The following PNPLA4 variants were observed in gnomAD, a reference collection of about 807,000 sequenced individuals.
PNPLA4 encodes the protein patatin like domain 4, phospholipase and triacylglycerol lipase.
Under a neutral mutation model 18.3 loss-of-function variants are expected in PNPLA4, and 15 were observed. That is an observed-to-expected ratio of 0.82 (90% CI 0.55 to 1.26). The LOEUF is 1.26. Among genes scored for constraint, PNPLA4 ranks in the 50% most tolerant of loss-of-function variants. The probability of loss-of-function intolerance (pLI) is 0.00; values close to 1 mark genes in which losing one functional copy is unlikely to be tolerated. For missense variants in PNPLA4, 229 were observed against 196.8 expected (o/e 1.16, Z -0.98); for synonymous variants, 88 against 85.6 (o/e 1.03, Z -0.16).
intron 1 of PNPLA4, 48 bp from the exon 2 acceptor site, chrX:7,926,180 C>A: frequency 1.1e-6 from 1 of 947,372 alleles, no homozygotes; most frequent in Non-Finnish European, 1.5e-6. Context: ...TAGTTTATCC[C>A]ACATACTGTG....
intron 5 of PNPLA4, among the ~76,000 whole-genome samples, chrX:7,910,456 T>C (rs900101282): frequency 4.5e-5 from 5 of 110,681 alleles, no homozygotes; most frequent in Non-Finnish European, 7.6e-5. Flanking sequence ...GCACTTTGTA[T>C]GTACTCTTTT....
At chrX:7,903,590 C>T (rs1210311552) in intron 5 of PNPLA4, among the ~76,000 whole-genome samples, 1 of 111,528 alleles carries the variant, frequency 9.0e-6, no homozygotes, top group Non-Finnish European at 1.9e-5. Context: ...TGAGTCACTG[C>T]GCCTGGCCAA....
chrX:7,909,832 A>G (rs1276307442), intron 5 of PNPLA4, among the ~76,000 whole-genome samples: 2 of 111,541 alleles, frequency 1.8e-5, no homozygotes, highest in African/African-American at 6.5e-5. Flanking sequence ...TCATTGCCCA[A>G]CAATGAAATA....
chrX:7,919,645 T>C (rs2036372895), intron 4 of PNPLA4, among the ~76,000 whole-genome samples: 1 of 112,200 alleles, frequency 8.9e-6, no homozygotes, highest in South Asian at 3.7e-4. Flanking sequence ...ACAGAATCCC[T>C]TTTGCCAGGT....
At chrX:7,926,264 T>G in intron 1 of PNPLA4, 132 bp from the exon 2 acceptor site, 2 of 444,803 alleles carry the variant, frequency 4.5e-6, no homozygotes, top group Non-Finnish European at 7.4e-6. Flanking sequence ...TGGTTTCAAT[T>G]AATTCTAATT....
rs759307617 is a variant in PNPLA4, at chrX:7,902,089, C to T, written c.530G>A (p.Arg177Gln). ...TNALPILPVG[R>Q]TVTISPFSGR... Reference sequence around the variant, plus strand: ...ACTGAAGGGGGAGATGGTTACTGTCCGGCCGACGGGCAGGATGGGAAGAGC... The same window carrying T: ...ACTGAAGGGGGAGATGGTTACTGTCTGGCCGACGGGCAGGATGGGAAGAGC... Residue 177 changes from arginine (R) to glutamine (Q), a missense_variant, in exon 6 of 7, where the codon CGG becomes CAG. Coordinates refer to ENST00000381042, the MANE Select transcript of PNPLA4 (RefSeq NM_004650.3). The T allele has an allele frequency of 5.6e-5, 67 of 1,206,663 alleles. No homozygotes were observed. Among genetic ancestry groups the T allele is most frequent in the Non-Finnish European group, 6.8e-5 (61 of 893,573 alleles).
intron 4 of PNPLA4, among the ~76,000 whole-genome samples, chrX:7,914,303 G>T (rs1236291037): frequency 3.6e-5 from 4 of 111,673 alleles, no homozygotes; most frequent in Admixed American, 9.6e-5. Flanking sequence ...GTAGCACCTT[G>T]GGTGATTTGG....
At chrX:7,914,074 T>C (rs1455928838) in intron 4 of PNPLA4, among the ~76,000 whole-genome samples, 1 of 112,448 alleles carries the variant, frequency 8.9e-6, no homozygotes, top group Admixed American at 9.4e-5. Context: ...AAGGAAAGCA[T>C]GCACTTCTAT....
At chrX:7,916,624 C>A (rs1924054475) in intron 4 of PNPLA4, among the ~76,000 whole-genome samples, 1 of 111,561 alleles carries the variant, frequency 9.0e-6, no homozygotes, top group Non-Finnish European at 1.9e-5. Context: ...TGAGACTCGC[C>A]AAGGGTCCCA....
At chrX:7,926,174 T>C (rs1924396835) in intron 1 of PNPLA4, 42 bp from the exon 2 acceptor site, 1 of 970,873 alleles carries the variant, frequency 1.0e-6, no homozygotes, top group Non-Finnish European at 1.4e-6. Flanking sequence ...TTGGAATAGT[T>C]TATCCCACAT....
rs1405660715 is a variant in PNPLA4, at chrX:7,899,267, A to C, written c.*1419T>G. 9.0e-6 allele frequency: 1 copy of C among 111,464 alleles called. No homozygotes were observed. The highest frequency in any genetic ancestry group is 9.6e-5 in the Admixed American group (1 of 10,460). The allele number at this position is 111,464 out of a possible 1,213,427, so 9.2% of individuals were successfully genotyped here. The stretch of plus-strand genomic sequence containing the variant: ...AATAGTTTCAAAGAGTAAAAGAAGA[A>C]ATGCGTGACAATTGAAGACATGGAA... On this transcript the variant is annotated 3_prime_UTR_variant, in exon 7 of 7. Transcript: ENST00000381042.
At position 7,904,183 on chromosome X, in the gene PNPLA4, A is replaced by G. The variant is rs1156389708; in HGVS notation, c.478-2042T>C. ...TGTCATCAACGATGTAAAAATTCAT[A>G]CAGGTTTCATCAAGAAAAATTAAAG... On this transcript the variant is annotated intron_variant, in intron 5 of 6. Coordinates refer to ENST00000381042, the MANE Select transcript of PNPLA4 (RefSeq NM_004650.3). Among the ~76,000 whole-genome samples, 3 of 112,255 alleles carry G rather than the reference A, an allele frequency of 2.7e-5. No homozygotes were observed. The Admixed American group carries it at 2.8e-4, about 11-fold the overall frequency.
Position 7,900,621 on chromosome X carries a change from T to C in PNPLA4, c.*65A>G. 2 of 763,738 alleles carry C rather than the reference T, an allele frequency of 2.6e-6. No individual in the cohort carries two copies. Among genetic ancestry groups the C allele is most frequent in the Admixed American group, 7.3e-5 (2 of 27,407 alleles). 62.9% of individuals were successfully genotyped at this position (763,738 alleles called of 1,213,427 possible). ...GTCATGATAGATTTTCTAAAAAGGA[T>C]TTGATTAGAAACTTCCATCAAAAAC... On this transcript the variant is annotated 3_prime_UTR_variant, in exon 7 of 7. Transcript: ENST00000381042.
intron 1 of PNPLA4, among the ~76,000 whole-genome samples, chrX:7,927,073 G>A (rs1924443663): frequency 1.8e-5 from 2 of 113,157 alleles, no homozygotes; most frequent in African/African-American, 6.4e-5. Flanking sequence ...CGCGTAGGCT[G>A]AGTCCCAGTC....
chrX:7,911,757 G>GA (rs1371863405), intron 5 of PNPLA4, among the ~76,000 whole-genome samples: 1 of 109,595 alleles, frequency 9.1e-6, no homozygotes, highest in East Asian at 2.9e-4. Flanking sequence ...TTACTAGGTG[G>GA]AAAAAAAATC....
rs1230306069 is a variant in PNPLA4 at position 7,899,202 on chromosome X, G to C, written c.*1484C>G. ...CGTTGGTGTTTATGTGCTAAAAGTT[G>C]TGTATTTTGGCTTCTGAGAACCATA... On this transcript the variant is annotated 3_prime_UTR_variant, in exon 7 of 7. Coordinates refer to ENST00000381042, the MANE Select transcript of PNPLA4 (RefSeq NM_004650.3). The C allele has an allele frequency of 9.0e-6, 1 of 111,654 alleles. No individual in the cohort carries two copies. Among genetic ancestry groups the C allele is most frequent in the African/African-American group, 3.3e-5 (1 of 30,725 alleles). The allele number at this position is 111,654 out of a possible 1,213,427, so 9.2% of individuals were successfully genotyped here.
chrX:7,926,619 T>A (rs1263643172), intron 1 of PNPLA4, among the ~76,000 whole-genome samples: 5 of 111,864 alleles, frequency 4.5e-5, no homozygotes, highest in African/African-American at 1.6e-4. Context: ...CCCTTCCCAA[T>A]TTCTATTGTG....
At chrX:7,903,704 T>C (rs1923618932) in intron 5 of PNPLA4, among the ~76,000 whole-genome samples, 1 of 111,967 alleles carries the variant, frequency 8.9e-6, no homozygotes, top group Non-Finnish European at 1.9e-5. Flanking sequence ...AGTAAATAAA[T>C]AAAAGATAAA....
chrX:7,915,200 C>T (rs1601648300), intron 4 of PNPLA4, among the ~76,000 whole-genome samples: 1 of 108,450 alleles, frequency 9.2e-6, no homozygotes, highest in Admixed American at 1.0e-4. Flanking sequence ...GTGAAATTCA[C>T]CTCGCCAATG....
Sources: gnomAD v4.1 joint callset for allele counts (sites outside exome capture counted in the v4.1 genomes callset) on GRCh38, gnomAD v4.1.1 for gene constraint, MANE v1.5 for transcripts, NCBI Gene and HGNC (gene_info 2026-07-23, HGNC 2026-07-21) for gene names.